Variants in SRL observed in about 807,000 individuals in gnomAD.
The protein encoded by SRL is sarcalumenin.
A neutral mutation model predicts 39.5 loss-of-function variants in SRL; 23 were observed. The ratio of observed to expected loss-of-function variants is 0.58; its 90% CI spans 0.42 to 0.82. SRL has a LOEUF of 0.82. Ranked by LOEUF, SRL falls within the 40% of genes least tolerant of loss-of-function variation. SRL has a pLI of 0.00. For missense variants in SRL, 592 were observed against 607.8 expected (o/e 0.97, Z 0.27); for synonymous variants, 272 against 237.4 (o/e 1.15, Z -1.34).
At chr16:4,224,870 C>T (rs2052569802) in intron 1 of SRL, among the ~76,000 whole-genome samples, 1 of 152,148 alleles carries the variant, frequency 6.6e-6, no homozygotes, top group South Asian at 2.1e-4. Context: ...AATGGATAAA[C>T]AGAACATGGT....
Position 4,228,607 on chromosome 16 carries a change from C to T in SRL, c.61+13400G>A, listed in dbSNP as rs916235673. On this transcript the variant is annotated intron_variant, in intron 1 of 5. Coordinates refer to ENST00000399609, the MANE Select transcript of SRL (RefSeq NM_001098814.2). ...AAAATTAGTCAGGCGTGGTGGCGGG[C>T]ACCTGTAGTCCCAGCTACTCGGGAG... Among the ~76,000 whole-genome samples, 5 of 149,538 alleles carry T rather than the reference C, an allele frequency of 3.3e-5. No homozygotes were observed. The East Asian group carries it at 6.0e-4, about 18-fold the overall frequency.
intron 1 of SRL, among the ~76,000 whole-genome samples, chr16:4,216,479 C>T (rs537278954): frequency 8.5e-5 from 13 of 152,194 alleles, no homozygotes; most frequent in African/African-American, 2.4e-4. Flanking sequence ...ACCACGTTTG[C>T]CAGGCTGGTC....
rs1168029551 is a variant in SRL, at chr16:4,192,719, G to T, written c.856C>A (p.Pro286Thr). 1 of 1,614,138 alleles carries T rather than the reference G, an allele frequency of 6.2e-7. No individual in the cohort carries two copies. ...CAGAAGGAGCTGACGTAAACCCTTGGGGGCTCTGTGACATTGATGAGAGGG... is the reference window on the plus strand; with the variant it reads ...CAGAAGGAGCTGACGTAAACCCTTGTGGGCTCTGTGACATTGATGAGAGGG... The part of the protein sequence containing the change: ...LAPLINVTEP[P>T]RVYVSSFWPQ... The change falls in exon 6 of 6, where the codon CCA becomes ACA. Residue 286 changes from proline to threonine, a missense_variant. By Grantham distance (38) the Pro-to-Thr change is conservative. Coordinates refer to ENST00000399609, the MANE Select transcript of SRL (RefSeq NM_001098814.2). This position sits in a 1 kb window ranked among gnomAD's most constrained non-coding sequence, Gnocchi z 4.0.
chr16:4,197,708 G>A (rs2052167798), intron 4 of SRL, 91 bp downstream of exon 4: 2 of 967,766 alleles, frequency 2.1e-6, no homozygotes, highest in Admixed American at 3.4e-5. Context: ...TTACAGGCAT[G>A]AGTCATAATG....
intron 1 of SRL, among the ~76,000 whole-genome samples, chr16:4,211,258 C>G (rs1046912673): frequency 1.3e-5 from 2 of 152,250 alleles, no homozygotes; most frequent in African/African-American, 4.8e-5. Context: ...GCTCCCAGGC[C>G]CTCCCTACTC....
chr16:4,204,555 G>C lies in SRL; in HGVS notation c.141C>G (p.Asp47Glu). The C allele has an allele frequency of 6.2e-7, 1 of 1,609,256 alleles. No individual in the cohort carries two copies. Among genetic ancestry groups the C allele is most frequent in the Non-Finnish European group, 8.5e-7 (1 of 1,177,800 alleles). ...HIEKTLMLNE[D>E]KPSDDYSAVL... ...TACCAGAGTAGTCATCGGATGGCTTGTCCTCATTCAGCATGAGGGTCTTCT... is the reference window on the plus strand; with the variant it reads ...TACCAGAGTAGTCATCGGATGGCTTCTCCTCATTCAGCATGAGGGTCTTCT... Residue 47 changes from aspartate to glutamate, a missense_variant, in exon 2 of 6, where the codon GAC becomes GAG. Asp to Glu is a conservative substitution (Grantham distance 45, BLOSUM62 2). Coordinates refer to ENST00000399609, the MANE Select transcript of SRL (RefSeq NM_001098814.2).
chr16:4,208,583 T>C (rs1314206072), intron 1 of SRL, among the ~76,000 whole-genome samples: 4 of 152,180 alleles, frequency 2.6e-5, no homozygotes, highest in African/African-American at 9.6e-5. Context: ...CAGTTCCTAC[T>C]GTCATTAACC....
At chr16:4,209,744 T>C (rs939396708) in intron 1 of SRL, among the ~76,000 whole-genome samples, 1 of 152,088 alleles carries the variant, frequency 6.6e-6, no homozygotes, top group African/African-American at 2.4e-5. Flanking sequence ...ATACAACTTT[T>C]CCCCCAGCAC....
At chr16:4,203,936 G>A (rs2052276018) in intron 2 of SRL, among the ~76,000 whole-genome samples, 1 of 152,216 alleles carries the variant, frequency 6.6e-6, no homozygotes, top group African/African-American at 2.4e-5. Context: ...TCCCCGGAGG[G>A]GTGGGGTCAG....
intron 1 of SRL, among the ~76,000 whole-genome samples, chr16:4,208,924 C>T (rs2052359621): frequency 6.6e-6 from 1 of 152,240 alleles, no homozygotes; most frequent in African/African-American, 2.4e-5. Flanking sequence ...AGAGTAGGGG[C>T]CTCATCTGTG....
chr16:4,216,110 C>G (rs1000535922), intron 1 of SRL, among the ~76,000 whole-genome samples: 3 of 152,002 alleles, frequency 2.0e-5, no homozygotes, highest in Non-Finnish European at 4.4e-5. Flanking sequence ...AGAATAACTT[C>G]ACTCCTCACC....
At chr16:4,219,377 G>A (rs879586372) in intron 1 of SRL, among the ~76,000 whole-genome samples, 6 of 152,204 alleles carry the variant, frequency 3.9e-5, no homozygotes, top group Non-Finnish European at 7.3e-5. Flanking sequence ...TCCCCCTATT[G>A]TTCCTACAAA....
intron 1 of SRL, among the ~76,000 whole-genome samples, chr16:4,212,521 A>G (rs746260558): frequency 2.0e-5 from 3 of 152,182 alleles, no homozygotes; most frequent in Non-Finnish European, 4.4e-5. Context: ...GCCCTGGAGC[A>G]GGGAGGCCGC....
intron 4 of SRL, among the ~76,000 whole-genome samples, chr16:4,196,910 ATAATTTATGT>A (rs1181280942): frequency 4.6e-5 from 7 of 152,170 alleles, no homozygotes; most frequent in Non-Finnish European, 1.0e-4. Context: ...AGGCTGAATA[ATAATTTATGT>A]ATGAACAGAC....
At chr16:4,219,005 G>A (rs530883299) in intron 1 of SRL, among the ~76,000 whole-genome samples, 8 of 152,342 alleles carry the variant, frequency 5.3e-5, no homozygotes, top group African/African-American at 9.6e-5. Flanking sequence ...GGGCCCCACC[G>A]CCAGGTCCTG....
At chr16:4,218,748 G>T (rs894403183) in intron 1 of SRL, among the ~76,000 whole-genome samples, 6 of 152,238 alleles carry the variant, frequency 3.9e-5, no homozygotes, top group African/African-American at 1.4e-4. Context: ...CAGCCGGGGA[G>T]GTGTCCTCAG....
chr16:4,207,128 G>T (rs76319857), intron 1 of SRL: 1 of 456,606 alleles, frequency 2.2e-6, no homozygotes, highest in East Asian at 7.0e-5. Context: ...CCTCGGAGGC[G>T]CCCTCTGCTT....
intron 3 of SRL, among the ~76,000 whole-genome samples, chr16:4,198,375 T>C (rs946856071): frequency 6.6e-6 from 1 of 152,126 alleles, no homozygotes; most frequent in African/African-American, 2.4e-5. Flanking sequence ...GCAGCTCTCC[T>C]CTCCTCCAGC....
At chr16:4,230,880 C>T (rs1057286642) in intron 1 of SRL, among the ~76,000 whole-genome samples, 21 of 152,132 alleles carry the variant, frequency 1.4e-4, no homozygotes, top group African/African-American at 4.6e-4. Flanking sequence ...GAAGCTACCA[C>T]TCAAAGAATG....
Sources: gnomAD v4.1 joint callset for allele counts (sites outside exome capture counted in the v4.1 genomes callset) on GRCh38, gnomAD v4.1.1 for gene constraint, Gnocchi (gnomAD v3.1) non-coding constraint, MANE v1.5 for transcripts, NCBI Gene and HGNC (gene_info 2026-07-23, HGNC 2026-07-21) for gene names.